The following HECW1 variants were observed in gnomAD, a reference collection of about 807,000 sequenced individuals.
HECW1 encodes the protein HECT, C2 and WW domain containing E3 ubiquitin protein ligase 1.
A neutral mutation model predicts 182.3 loss-of-function variants in HECW1; 61 were observed. The observed-to-expected ratio is 0.33, with a 90% CI of 0.27 to 0.41. The LOEUF (loss-of-function observed/expected upper bound fraction) is 0.41. Ranked by LOEUF, HECW1 falls within the 10% of genes least tolerant of loss-of-function variation. HECW1 has a pLI of 1.00. For missense variants in HECW1, 1,739 were observed against 2,108.9 expected, an observed-to-expected ratio of 0.82 and a Z score of 3.44; for synonymous variants, 859 against 832.6, an observed-to-expected ratio of 1.03 and a Z score of -0.55.
intron 2 of HECW1, among the ~76,000 whole-genome samples, chr7:43,144,371 T>C (rs1788478596): frequency 6.6e-6 from 1 of 152,116 alleles, no homozygotes; most frequent in African/African-American, 2.4e-5. Flanking sequence ...CCCCTTCCCA[T>C]GCAGAGCTCT....
At chr7:43,124,755 G>T (rs1176810672) in intron 2 of HECW1, among the ~76,000 whole-genome samples, 2 of 152,138 alleles carry the variant, frequency 1.3e-5, no homozygotes, top group East Asian at 3.8e-4. Flanking sequence ...ATTATTAACA[G>T]TATTGCTAGT....
intron 3 of HECW1, among the ~76,000 whole-genome samples, chr7:43,307,119 G>A (rs1238415067): frequency 1.3e-5 from 2 of 152,096 alleles, no homozygotes; most frequent in Non-Finnish European, 2.9e-5. Context: ...TACTCCCATA[G>A]CAGGGCACTT....
chr7:43,173,309 C>T (rs1157684396), intron 2 of HECW1, among the ~76,000 whole-genome samples: 4 of 152,150 alleles, frequency 2.6e-5, no homozygotes, highest in Admixed American at 6.5e-5. Context: ...CTGGAAAGAA[C>T]GGTTTGGTTT....
intron 8 of HECW1, among the ~76,000 whole-genome samples, chr7:43,430,707 A>T (rs1205963419): frequency 6.6e-6 from 1 of 151,876 alleles, no homozygotes; most frequent in Non-Finnish European, 1.5e-5. Context: ...TAGGATGACA[A>T]GTTTTGATTA....
intron 2 of HECW1, among the ~76,000 whole-genome samples, chr7:43,210,450 A>AGTGT (rs57987187): frequency 0.14 from 20,051 of 145,360 alleles, 1,562 homozygotes; most frequent in Non-Finnish European, 0.17. Flanking sequence ...AGTAGAAGTG[A>AGTGT]GTGTGTGTGT....
At chr7:43,505,620 G>A (rs1034524676) in intron 21 of HECW1, among the ~76,000 whole-genome samples, 1 of 152,164 alleles carries the variant, frequency 6.6e-6, no homozygotes. Flanking sequence ...CTGGAGTACC[G>A]CTTTCCATTC....
chr7:43,498,759 T>G (rs1191003097), intron 19 of HECW1, among the ~76,000 whole-genome samples: 1 of 152,140 alleles, frequency 6.6e-6, no homozygotes, highest in Non-Finnish European at 1.5e-5. Flanking sequence ...CGCACTGAAG[T>G]TGGATCAGAG....
intron 6 of HECW1, among the ~76,000 whole-genome samples, chr7:43,385,210 CCTCTCCCCACCCCTCCCCT>C: frequency 4.6e-5 from 1 of 21,826 alleles, no homozygotes. Flanking sequence ...CCTCCCCTCC[CCTCTCCCCACCCCTCCCCT>C]CTCCCCTCCC....
chr7:43,294,584 C>T (rs1805806618), intron 3 of HECW1, among the ~76,000 whole-genome samples: 2 of 152,214 alleles, frequency 1.3e-5, no homozygotes, highest in Admixed American at 6.5e-5. Flanking sequence ...CGGTCCCCAT[C>T]CCAGTCCCAG....
chr7:43,115,225 A>G (rs1024572688), intron 2 of HECW1, among the ~76,000 whole-genome samples: 3 of 151,964 alleles, frequency 2.0e-5, no homozygotes, highest in Non-Finnish European at 4.4e-5. Flanking sequence ...GCTTATTTTT[A>G]TACCTTGCAG....
At chr7:43,327,415 G>A (rs892658493) in intron 5 of HECW1, among the ~76,000 whole-genome samples, 3 of 152,208 alleles carry the variant, frequency 2.0e-5, no homozygotes, top group Middle Eastern at 3.4e-3. Flanking sequence ...ACTGTGTAAC[G>A]GTCGTGAAGT....
At chr7:43,201,592 G>C (rs191420962) in intron 2 of HECW1, among the ~76,000 whole-genome samples, 193 of 152,272 alleles carry the variant, frequency 1.3e-3, no homozygotes, top group African/African-American at 4.5e-3. Flanking sequence ...TGTGACTTAA[G>C]GTACCCAAGT....
intron 2 of HECW1, among the ~76,000 whole-genome samples, chr7:43,185,366 C>A (rs921343538): frequency 2.0e-5 from 3 of 152,170 alleles, no homozygotes; most frequent in African/African-American, 7.2e-5. Context: ...TCTGTAAGCT[C>A]CTCCAGCAAA....
At chr7:43,558,876 G>A (rs1209693342) in intron 29 of HECW1, among the ~76,000 whole-genome samples, 1 of 152,134 alleles carries the variant, frequency 6.6e-6, no homozygotes, top group Non-Finnish European at 1.5e-5. Context: ...TGGATTTAGG[G>A]ATCAAGAGGT....
intron 11 of HECW1, among the ~76,000 whole-genome samples, chr7:43,449,024 G>A (rs960158650): frequency 3.9e-5 from 6 of 152,202 alleles, no homozygotes; most frequent in Non-Finnish European, 7.3e-5. Flanking sequence ...TCACAAGCAG[G>A]TGGGATCAGC....
At chr7:43,540,987 G>T (rs1054554891) in intron 24 of HECW1, among the ~76,000 whole-genome samples, 176 bp from the exon 25 acceptor site, 3 of 152,208 alleles carry the variant, frequency 2.0e-5, no homozygotes, top group Non-Finnish European at 2.9e-5. Flanking sequence ...AGCACACAGG[G>T]ATTGTTCATG....
intron 11 of HECW1, among the ~76,000 whole-genome samples, chr7:43,446,070 G>A (rs1019951691): frequency 6.6e-6 from 1 of 152,194 alleles, no homozygotes; most frequent in African/African-American, 2.4e-5. Context: ...ACTAGCCCAT[G>A]TACGTACATA....
At chr7:43,358,636 A>G (rs1815460193) in intron 5 of HECW1, among the ~76,000 whole-genome samples, 1 of 152,134 alleles carries the variant, frequency 6.6e-6, no homozygotes, top group African/African-American at 2.4e-5. Context: ...AACCCTACTA[A>G]TAATCAAATA....
At chr7:43,474,169 G>A (rs2078128493) in intron 16 of HECW1, among the ~76,000 whole-genome samples, 1 of 152,206 alleles carries the variant, frequency 6.6e-6, no homozygotes, top group African/African-American at 2.4e-5. Context: ...CCTTAAATGG[G>A]CCAGGCGCGG....
Sources: gnomAD v4.1 joint callset for allele counts (sites outside exome capture counted in the v4.1 genomes callset) on GRCh38, gnomAD v4.1.1 for gene constraint, MANE v1.5 for transcripts, NCBI Gene and HGNC (gene_info 2026-07-23, HGNC 2026-07-21) for gene names.